NYAP2: variants seen among roughly 807,000 people sequenced by gnomAD.
NYAP2 encodes the protein neuronal tyrosine-phosphorylated phosphoinositide-3-kinase adaptor 2.
Under a neutral mutation model 50.4 loss-of-function variants are expected in NYAP2, and 23 were observed. The observed-to-expected ratio is 0.46, with a 90% confidence interval of 0.33 to 0.65. The LOEUF (loss-of-function observed/expected upper bound fraction) is 0.65, where lower values mean the gene tolerates loss of function less well. Among genes scored for constraint, NYAP2 ranks in the 30% least tolerant of loss-of-function variants. The pLI, the probability that NYAP2 is intolerant of heterozygous loss-of-function variation, is 0.02. For missense variants in NYAP2, 885 were observed against 861.0 expected, an observed-to-expected ratio of 1.03 and a Z score of -0.35; for synonymous variants, 394 against 365.2, an observed-to-expected ratio of 1.08 and a Z score of -0.90.
intron 3 of NYAP2, among the ~76,000 whole-genome samples, chr2:225,437,277 T>G (rs886436608): frequency 6.6e-6 from 1 of 152,116 alleles, no homozygotes. Flanking sequence ...GTTTAAGCTT[T>G]GGAGGACTCA....
chr2:225,638,720 A>T (rs941491275), intron 6 of NYAP2, among the ~76,000 whole-genome samples: 1 of 152,296 alleles, frequency 6.6e-6, no homozygotes, highest in South Asian at 2.1e-4. Context: ...TCAGTGTCAA[A>T]CACCTTTCCC....
the NYAP2 span, among the ~76,000 whole-genome samples, chr2:225,674,634 T>C: frequency 6.6e-6 from 1 of 152,040 alleles, no homozygotes; most frequent in Non-Finnish European, 1.5e-5. Context: ...ACCCCCGACA[T>C]GTCATTAGTC....
At chr2:225,584,689 AT>A (rs1442912003) in intron 5 of NYAP2, among the ~76,000 whole-genome samples, 2 of 152,186 alleles carry the variant, frequency 1.3e-5, no homozygotes, top group African/African-American at 4.8e-5. Context: ...CAAGCCACTA[AT>A]TCTTTTTTTC....
At chr2:225,688,061 T>C in the NYAP2 span, among the ~76,000 whole-genome samples, 1 of 152,194 alleles carries the variant, frequency 6.6e-6, no homozygotes, top group Admixed American at 6.5e-5. Context: ...GGGAGTTGCA[T>C]ACTTCCTTGG....
chr2:225,526,368 G>A (rs1691151093), intron 4 of NYAP2, among the ~76,000 whole-genome samples: 1 of 152,170 alleles, frequency 6.6e-6, no homozygotes, highest in African/African-American at 2.4e-5. Flanking sequence ...CCCTTCCCCT[G>A]TCATTGCTGG....
At chr2:225,602,772 T>C (rs1692715051) in intron 5 of NYAP2, among the ~76,000 whole-genome samples, 1 of 152,138 alleles carries the variant, frequency 6.6e-6, no homozygotes, top group South Asian at 2.1e-4. Context: ...ACCATATATA[T>C]AGAAGTTTAT....
At chr2:225,638,440 C>T (rs142016866) in intron 6 of NYAP2, among the ~76,000 whole-genome samples, 187 of 151,994 alleles carry the variant, frequency 1.2e-3, no homozygotes, top group Non-Finnish European at 2.2e-3. Flanking sequence ...AGTAACTGTT[C>T]GGCTGCTGAT....
the NYAP2 span, among the ~76,000 whole-genome samples, chr2:225,695,970 G>A: frequency 6.6e-6 from 1 of 151,636 alleles, no homozygotes; most frequent in African/African-American, 2.4e-5. Context: ...TCATCTTCTG[G>A]GCTCCAAGTC....
At chr2:225,500,741 T>G (rs922050256) in intron 3 of NYAP2, among the ~76,000 whole-genome samples, 4 of 152,172 alleles carry the variant, frequency 2.6e-5, no homozygotes, top group Admixed American at 1.3e-4. Flanking sequence ...CTGATTTTGT[T>G]TGACAAATCA....
At chr2:225,642,214 G>C (rs1433550923) in intron 6 of NYAP2, among the ~76,000 whole-genome samples, 6 of 152,094 alleles carry the variant, frequency 3.9e-5, no homozygotes, top group African/African-American at 7.2e-5. Context: ...TGTGCTGGGG[G>C]CAAGGCTACT....
At chr2:225,495,932 A>G (rs1362760100) in intron 3 of NYAP2, among the ~76,000 whole-genome samples, 1 of 152,196 alleles carries the variant, frequency 6.6e-6, no homozygotes, top group Non-Finnish European at 1.5e-5. Flanking sequence ...ACCTGCTGTG[A>G]GTCTGAATTA....
At chr2:225,448,089 T>C (rs1479770864) in intron 3 of NYAP2, among the ~76,000 whole-genome samples, 1 of 152,152 alleles carries the variant, frequency 6.6e-6, no homozygotes, top group Non-Finnish European at 1.5e-5. Flanking sequence ...GCTGGCAAAA[T>C]ACAAGTGTGA....
intron 3 of NYAP2, among the ~76,000 whole-genome samples, chr2:225,447,816 A>G (rs1026569052): frequency 6.6e-6 from 1 of 152,220 alleles, no homozygotes; most frequent in Non-Finnish European, 1.5e-5. Flanking sequence ...AATATTAGCA[A>G]TTTGAACTTA....
At chr2:225,642,285 T>A (rs770514084) in intron 6 of NYAP2, among the ~76,000 whole-genome samples, 1 of 151,890 alleles carries the variant, frequency 6.6e-6, no homozygotes, top group Non-Finnish European at 1.5e-5. Context: ...GTATGTAATT[T>A]ATTATAAGCA....
chr2:225,432,026 G>A (rs1162067539), intron 3 of NYAP2, among the ~76,000 whole-genome samples: 7 of 152,060 alleles, frequency 4.6e-5, no homozygotes, highest in African/African-American at 1.7e-4. Flanking sequence ...CCGGAGTGCA[G>A]TGGCACGCTC....
intron 4 of NYAP2, among the ~76,000 whole-genome samples, chr2:225,535,463 A>G (rs1574663843): frequency 6.6e-6 from 1 of 152,216 alleles, no homozygotes; most frequent in East Asian, 1.9e-4. Context: ...CCAAAGGCAG[A>G]ATAGTGCATC....
intron 3 of NYAP2, among the ~76,000 whole-genome samples, chr2:225,499,191 G>A (rs1248435996): frequency 6.6e-6 from 1 of 152,136 alleles, no homozygotes; most frequent in Non-Finnish European, 1.5e-5. Context: ...TATTCAGGAA[G>A]CCAAGGAAAT....
chr2:225,654,675 C>T (rs1298795270), downstream of NYAP2, among the ~76,000 whole-genome samples: 6 of 152,078 alleles, frequency 3.9e-5, no homozygotes, highest in Admixed American at 2.6e-4. Context: ...CAGAGTTAGA[C>T]TCCATCTCAA....
intron 5 of NYAP2, among the ~76,000 whole-genome samples, chr2:225,589,062 T>C (rs914227114): frequency 1.1e-4 from 16 of 152,186 alleles, no homozygotes; most frequent in African/African-American, 3.9e-4. Flanking sequence ...TCTCCTCTTC[T>C]CTTTTCACTC....
Sources: gnomAD v4.1 joint callset for allele counts (sites outside exome capture counted in the v4.1 genomes callset) on GRCh38, gnomAD v4.1.1 for gene constraint, MANE v1.5 for transcripts, NCBI Gene and HGNC (gene_info 2026-07-23, HGNC 2026-07-21) for gene names.